The following CCDC92 variants were observed in gnomAD, a reference collection of about 807,000 sequenced individuals.
CCDC92 encodes the protein coiled-coil domain containing 92.
CCDC92 carries 12 observed loss-of-function variants against 24.9 expected under a neutral mutation model. The observed-to-expected ratio is 0.48, with a 90% CI of 0.31 to 0.78. The LOEUF is 0.78. Among genes scored for constraint, CCDC92 ranks in the 30% least tolerant of loss-of-function variants. The pLI is 0.05. For missense variants in CCDC92, 399 were observed against 439.4 expected, an observed-to-expected ratio of 0.91 and a Z score of 0.82; for synonymous variants, 193 against 196.3, an observed-to-expected ratio of 0.98 and a Z score of 0.14.
chr12:123,953,522 T>C (rs1353281748), intron 1 of CCDC92, among the ~76,000 whole-genome samples: 1 of 152,230 alleles, frequency 6.6e-6, no homozygotes, highest in Non-Finnish European at 1.5e-5. Context: ...CTCATGCCTG[T>C]AATCCCAGCA....
At chr12:123,949,035 A>G (rs1955955923) in intron 1 of CCDC92, among the ~76,000 whole-genome samples, 1 of 152,188 alleles carries the variant, frequency 6.6e-6, no homozygotes, top group Admixed American at 6.5e-5. Context: ...TGGTCCCAAG[A>G]GGCTTAATTC....
At chr12:123,957,517 T>C (rs7963071) in intron 1 of CCDC92, among the ~76,000 whole-genome samples, 317 of 152,314 alleles carry the variant, frequency 2.1e-3, no homozygotes, top group African/African-American at 7.5e-3. Flanking sequence ...ACAGCAATCA[T>C]GTTTGAGGAT....
chr12:123,949,515 G>A (rs1306876044), intron 1 of CCDC92, among the ~76,000 whole-genome samples: 1 of 152,200 alleles, frequency 6.6e-6, no homozygotes, highest in Non-Finnish European at 1.5e-5. Flanking sequence ...GCCCCACCCA[G>A]GTGACTTTGC....
intron 4 of CCDC92, among the ~76,000 whole-genome samples, chr12:123,939,553 T>C (rs1017449839): frequency 2.0e-5 from 3 of 152,226 alleles, no homozygotes; most frequent in Admixed American, 6.5e-5. Context: ...TCGAGGAGTG[T>C]ACTGAATGGG....
At chr12:123,943,749 T>TA in intron 2 of CCDC92, 1 of 554,954 alleles carries the variant, frequency 1.8e-6, no homozygotes, top group Non-Finnish European at 3.2e-6. Flanking sequence ...GCCTGGCACA[T>TA]GAATGAGTGA....
At chr12:123,943,939 CT>C in intron 2 of CCDC92, 1 of 477,170 alleles carries the variant, frequency 2.1e-6, no homozygotes, top group Non-Finnish European at 3.7e-6. Flanking sequence ...CAGACTGTGA[CT>C]GACCAAATCA....
chr12:123,937,215 G>T lies in CCDC92; in HGVS notation c.839C>A (p.Ala280Asp). The change falls in exon 5 of 5, where the codon GCC becomes GAC. Residue 280 changes from alanine (A) to aspartate (D), a missense_variant. Coordinates refer to ENST00000238156, the MANE Select transcript of CCDC92 (RefSeq NM_025140.3). The surrounding 1 kb of genome is among the most constrained non-coding windows in gnomAD (Gnocchi z 8.4). ...GTGGGCCTTGTGCGGCTTTTCGCGGGCCGGGCTGTGCTGCTCGCCGCTTCG... is the reference window on the plus strand; with the variant it reads ...GTGGGCCTTGTGCGGCTTTTCGCGGTCCGGGCTGTGCTGCTCGCCGCTTCG... ...SDRSGEQHSP[A>D]REKPHKAHVG... 1 of 1,609,372 alleles carries T rather than the reference G, an allele frequency of 6.2e-7. No homozygotes were observed. The highest frequency in any genetic ancestry group is 8.5e-7 in the Non-Finnish European group (1 of 1,179,230).
chr12:123,948,148 C>T (rs548384190), intron 1 of CCDC92, among the ~76,000 whole-genome samples: 113 of 152,296 alleles, frequency 7.4e-4, no homozygotes, highest in Admixed American at 2.0e-3. Flanking sequence ...ACGGGATATA[C>T]TAAAACATCC....
intron 1 of CCDC92, chr12:123,945,720 G>A (rs1048759432): frequency 2.0e-5 from 3 of 152,238 alleles, no homozygotes; most frequent in African/African-American, 7.2e-5. Flanking sequence ...GCTGAATCCC[G>A]AAGAGCTGAA....
intron 1 of CCDC92, among the ~76,000 whole-genome samples, chr12:123,962,047 T>G (rs139613921): frequency 6.6e-6 from 1 of 152,344 alleles, no homozygotes; most frequent in African/African-American, 2.4e-5. Flanking sequence ...CTAAACATTC[T>G]CTTTTGCCCT....
intron 1 of CCDC92, among the ~76,000 whole-genome samples, chr12:123,963,328 ACT>A (rs1594506261): frequency 6.6e-6 from 1 of 152,118 alleles, no homozygotes; most frequent in East Asian, 1.9e-4. Flanking sequence ...GGGAGGGCAA[ACT>A]CTCACCACAT....
At chr12:123,958,894 G>A (rs568620685) in intron 1 of CCDC92, among the ~76,000 whole-genome samples, 2 of 152,250 alleles carry the variant, frequency 1.3e-5, no homozygotes, top group East Asian at 1.9e-4. Context: ...TGATCCTCTC[G>A]TCAGAATTCA....
chr12:123,947,833 TTC>T (rs1384260324), intron 1 of CCDC92, among the ~76,000 whole-genome samples: 1 of 152,146 alleles, frequency 6.6e-6, no homozygotes, highest in African/African-American at 2.4e-5. Context: ...GGAAGCTTTG[TTC>T]TTTCGCTCTT....
chr12:123,946,980 G>C (rs1007440135), intron 1 of CCDC92, among the ~76,000 whole-genome samples: 1 of 152,144 alleles, frequency 6.6e-6, no homozygotes, highest in Admixed American at 6.5e-5. Context: ...TGCGTGCGGC[G>C]GCGCTTGCAG....
At chr12:123,970,989 A>T (rs187939178) in intron 1 of CCDC92, among the ~76,000 whole-genome samples, 7 of 145,346 alleles carry the variant, frequency 4.8e-5, no homozygotes, top group African/African-American at 1.7e-4. Context: ...TGGCAGATGA[A>T]AGAGTTATAA....
intron 4 of CCDC92, among the ~76,000 whole-genome samples, chr12:123,941,582 C>G (rs1364076291): frequency 1.3e-5 from 2 of 152,208 alleles, no homozygotes; most frequent in Non-Finnish European, 2.9e-5. Context: ...TGGAGAAGTT[C>G]TTCAAAGTTT....
chr12:123,965,640 T>C (rs1288397298), intron 1 of CCDC92, among the ~76,000 whole-genome samples: 1 of 152,260 alleles, frequency 6.6e-6, no homozygotes, highest in Non-Finnish European at 1.5e-5. Flanking sequence ...ATGGTGGCTC[T>C]TTCCCACACT....
In CCDC92 at chr12:123,936,659, C is replaced by T. The variant is rs1222588729; in HGVS notation, c.*399G>A. 4.6e-6 allele frequency: 1 copy of T among 216,748 alleles called. No individual in the cohort carries two copies. Among genetic ancestry groups the T allele is most frequent in the East Asian group, 1.3e-4 (1 of 7,954 alleles). 13.4% of individuals were successfully genotyped at this position (216,748 alleles called of 1,614,324 possible). A position where few individuals can be genotyped will look rare whatever the true frequency, so the allele number is the denominator to read the frequency against. ...CAGGAGGGAGCAGGGGCTGCTCGGC[C>T]AGGCTGCCCTGGAGCTTGAGGATAA... On this transcript the variant is annotated 3_prime_UTR_variant, in exon 5 of 5. Transcript: ENST00000238156.
At chr12:123,953,526 C>T (rs1290779814) in intron 1 of CCDC92, among the ~76,000 whole-genome samples, 2 of 152,188 alleles carry the variant, frequency 1.3e-5, no homozygotes, top group East Asian at 3.8e-4. Flanking sequence ...TGCCTGTAAT[C>T]CCAGCACTTT....
Sources: allele counts gnomAD v4.1 joint callset (sites outside exome capture counted in the v4.1 genomes callset), GRCh38; gene constraint gnomAD v4.1.1; non-coding constraint Gnocchi (gnomAD v3.1); transcripts MANE v1.5; gene names NCBI Gene and HGNC (gene_info 2026-07-23, HGNC 2026-07-21).